The following GPC5 variants were observed in gnomAD, a reference collection of about 807,000 sequenced individuals.
GPC5 encodes glypican-5.
Under a neutral mutation model 53.9 loss-of-function variants are expected in GPC5, and 47 were observed. The ratio of observed to expected loss-of-function variants is 0.87; its 90% confidence interval spans 0.69 to 1.11. The LOEUF is 1.11. Among genes scored for constraint, GPC5 ranks in the 50% most tolerant of loss-of-function variants. The pLI, the probability that GPC5 is intolerant of heterozygous loss-of-function variation, is 0.00. For missense variants in GPC5, 748 were observed against 713.1 expected, an observed-to-expected ratio of 1.05 and a Z score of -0.56; for synonymous variants, 286 against 263.3, an observed-to-expected ratio of 1.09 and a Z score of -0.84.
Position 91,846,407 on chromosome 13 carries a change from T to C in GPC5, c.1281-61530T>C, listed in dbSNP as rs141297170. 4.0e-3 allele frequency among the ~76,000 whole-genome samples: 605 copies of C among 152,318 alleles called. 7 individuals carry two copies. The highest frequency in any genetic ancestry group is 0.014 in the African/African-American group (573 of 41,584). ...TTTTGAGTTGTACATAAGGGTTTTA[T>C]TGAACTTTTTATTCTTTTATTGGTT... On this transcript the variant is annotated intron_variant, in intron 5 of 7. Transcript: ENST00000377067.
chr13:92,796,110 C>T (rs142216337), intron 7 of GPC5, among the ~76,000 whole-genome samples: 9 of 152,190 alleles, frequency 5.9e-5, no homozygotes, highest in African/African-American at 2.2e-4. Context: ...TTGGAACCAA[C>T]CCAAATGTCC....
At chr13:91,458,134 T>A (rs975456055) in intron 2 of GPC5, among the ~76,000 whole-genome samples, 7 of 151,268 alleles carry the variant, frequency 4.6e-5, no homozygotes, top group African/African-American at 1.7e-4. Flanking sequence ...GTGAAGGAGT[T>A]AGTCATGTGG....
At chr13:92,022,583 A>G (rs1436895241) in intron 6 of GPC5, among the ~76,000 whole-genome samples, 1 of 152,012 alleles carries the variant, frequency 6.6e-6, no homozygotes, top group East Asian at 1.9e-4. Flanking sequence ...AAAATATTTG[A>G]ATACATTTTA....
At chr13:92,588,357 C>T (rs1359148087) in intron 7 of GPC5, among the ~76,000 whole-genome samples, 2 of 152,140 alleles carry the variant, frequency 1.3e-5, no homozygotes, top group African/African-American at 2.4e-5. Context: ...CTAAATCATT[C>T]TACTATAAAG....
chr13:91,583,600 G>A (rs115696828), intron 2 of GPC5, among the ~76,000 whole-genome samples: 1,369 of 10,592 alleles, frequency 0.13, 21 homozygotes, highest in South Asian at 0.41. Flanking sequence ...TCAAAATTTT[G>A]TCAAGGTTTT....
chr13:91,547,533 C>G (rs2138798181), intron 2 of GPC5, among the ~76,000 whole-genome samples: 1 of 152,042 alleles, frequency 6.6e-6, no homozygotes, highest in African/African-American at 2.4e-5. Context: ...AGCACCAGGC[C>G]CAGATAAGTA....
chr13:91,649,618 C>T (rs1265543249), intron 2 of GPC5, among the ~76,000 whole-genome samples: 6 of 152,086 alleles, frequency 3.9e-5, no homozygotes, highest in African/African-American at 1.4e-4. Context: ...ATTTGCAATC[C>T]CAGTGTGTTG....
chr13:92,733,069 T>G (rs1029054127), intron 7 of GPC5, among the ~76,000 whole-genome samples: 1 of 151,754 alleles, frequency 6.6e-6, no homozygotes, highest in African/African-American at 2.4e-5. Flanking sequence ...AATTGAAGGA[T>G]TCTTTATTTG....
intron 7 of GPC5, among the ~76,000 whole-genome samples, chr13:92,365,339 G>A (rs929652321): frequency 6.6e-6 from 1 of 151,750 alleles, no homozygotes; most frequent in East Asian, 1.9e-4. Flanking sequence ...GATAAAAGGT[G>A]TTACGGGTAT....
intron 2 of GPC5, among the ~76,000 whole-genome samples, chr13:91,636,986 C>G (rs775099084): frequency 6.6e-6 from 1 of 152,050 alleles, no homozygotes; most frequent in Non-Finnish European, 1.5e-5. Context: ...CAAAAACAAT[C>G]AAGATTTCTT....
chr13:92,108,143 G>A (rs1380252158), intron 6 of GPC5, among the ~76,000 whole-genome samples: 3 of 151,956 alleles, frequency 2.0e-5, no homozygotes, highest in African/African-American at 7.2e-5. Flanking sequence ...ATGCTCTGTT[G>A]CCTTGTTCTT....
chr13:92,035,094 T>A (rs1375501669), intron 6 of GPC5, among the ~76,000 whole-genome samples: 2 of 151,914 alleles, frequency 1.3e-5, no homozygotes, highest in East Asian at 1.9e-4. Flanking sequence ...AGGCGCCTGT[T>A]GTCCCAGCTA....
chr13:92,601,277 C>T (rs904351746), intron 7 of GPC5, among the ~76,000 whole-genome samples: 1 of 151,898 alleles, frequency 6.6e-6, no homozygotes, highest in African/African-American at 2.4e-5. Context: ...CATATTGGGC[C>T]AGGAGTGGTG....
intron 2 of GPC5, among the ~76,000 whole-genome samples, chr13:91,681,264 A>G (rs1397772167): frequency 6.6e-6 from 1 of 152,214 alleles, no homozygotes; most frequent in Non-Finnish European, 1.5e-5. Context: ...TAGGATGCAG[A>G]GGAATGAGTG....
chr13:91,911,035 C>T (rs577928360), intron 6 of GPC5, among the ~76,000 whole-genome samples: 1 of 152,158 alleles, frequency 6.6e-6, no homozygotes, highest in South Asian at 2.1e-4. Context: ...ACAGGAAAAC[C>T]TGTGAGAACT....
chr13:92,398,776 A>C (rs1023168802), intron 7 of GPC5, among the ~76,000 whole-genome samples: 1 of 152,202 alleles, frequency 6.6e-6, no homozygotes, highest in Non-Finnish European at 1.5e-5. Flanking sequence ...ATTCCTGTTA[A>C]TGGTACAACC....
chr13:91,591,761 G>A (rs774410694), intron 2 of GPC5, among the ~76,000 whole-genome samples: 8 of 152,096 alleles, frequency 5.3e-5, no homozygotes, highest in Admixed American at 2.0e-4. Context: ...TGAAATGCTT[G>A]TAATTAATTT....
intron 7 of GPC5, among the ~76,000 whole-genome samples, chr13:92,618,381 G>C (rs905414329): frequency 1.3e-5 from 2 of 151,976 alleles, no homozygotes; most frequent in African/African-American, 4.8e-5. Flanking sequence ...CTCCCCAAAT[G>C]CTTAACTTCA....
intron 7 of GPC5, among the ~76,000 whole-genome samples, chr13:92,478,716 G>T (rs1422409737): frequency 6.6e-6 from 1 of 152,132 alleles, no homozygotes; most frequent in Non-Finnish European, 1.5e-5. Flanking sequence ...TTACACCTCT[G>T]CTGTGATACT....
Sources: gnomAD v4.1 joint callset for allele counts (sites outside exome capture counted in the v4.1 genomes callset) on GRCh38, gnomAD v4.1.1 for gene constraint, MANE v1.5 for transcripts, NCBI Gene and HGNC (gene_info 2026-07-23, HGNC 2026-07-21) for gene names.